The following HEPACAM2 variants were observed in gnomAD, a reference collection of about 807,000 sequenced individuals.
HEPACAM2 encodes the protein HEPACAM family member 2.
In HEPACAM2, 49 loss-of-function variants were observed where a neutral mutation model predicts 49.6. That is an observed-to-expected ratio of 0.99 (90% CI 0.78 to 1.25). HEPACAM2 has a LOEUF of 1.25. Among genes scored for constraint, HEPACAM2 ranks in the 50% most tolerant of loss-of-function variants. The pLI is 0.00. For missense variants in HEPACAM2, 525 were observed against 557.2 expected, an observed-to-expected ratio of 0.94 and a Z score of 0.58; for synonymous variants, 197 against 202.9, an observed-to-expected ratio of 0.97 and a Z score of 0.25.
intron 2 of HEPACAM2, among the ~76,000 whole-genome samples, chr7:93,216,573 A>G (rs1234493742): frequency 1.3e-5 from 2 of 152,220 alleles, no homozygotes; most frequent in Non-Finnish European, 2.9e-5. Context: ...TTATATAAGA[A>G]TCCGCAACCA....
upstream of HEPACAM2, among the ~76,000 whole-genome samples, chr7:93,226,692 A>T (rs78768799): frequency 0.026 from 3,969 of 152,254 alleles, 184 homozygotes; most frequent in African/African-American, 0.091. Flanking sequence ...ATATTTCATA[A>T]ATTATACTTA....
chr7:93,219,734 C>G (rs551024032), intron 1 of HEPACAM2, among the ~76,000 whole-genome samples: 1 of 152,240 alleles, frequency 6.6e-6, no homozygotes, highest in Non-Finnish European at 1.5e-5. Flanking sequence ...AAAAGGAGAA[C>G]TAAGAAAGTT....
chr7:93,232,054 A>G, the HEPACAM2 span, among the ~76,000 whole-genome samples: 11 of 152,036 alleles, frequency 7.2e-5, no homozygotes, highest in Admixed American at 4.6e-4. Flanking sequence ...CATCGCGTCA[A>G]TCTGGCTTAT....
chr7:93,220,434 G>A (rs565299964), intron 1 of HEPACAM2, among the ~76,000 whole-genome samples: 1 of 152,282 alleles, frequency 6.6e-6, no homozygotes, highest in East Asian at 1.9e-4. Flanking sequence ...CAGAAACAAA[G>A]AGGATGCCAA....
intron 2 of HEPACAM2, among the ~76,000 whole-genome samples, chr7:93,216,857 A>G (rs574581747): frequency 2.0e-5 from 3 of 152,208 alleles, no homozygotes; most frequent in Non-Finnish European, 4.4e-5. Flanking sequence ...GGGTCAATGC[A>G]TCTTCCTCAG....
intron 9 of HEPACAM2, among the ~76,000 whole-genome samples, chr7:93,191,014 G>A (rs1369180078): frequency 6.6e-6 from 1 of 151,964 alleles, no homozygotes; most frequent in Non-Finnish European, 1.5e-5. Context: ...ATTTTAATTA[G>A]ATTAAATCTT....
rs538075423 is a variant in HEPACAM2, at chr7:93,225,763, A to T, written c.79+605T>A. ...AGGGAAAATATTAAGGTAGAAAAAA[A>T]TTCTTAATAGGACTAGCCATTGGGC... is the stretch of plus-strand genomic sequence containing the variant. On this transcript the variant is annotated intron_variant, in intron 1 of 9. Coordinates refer to ENST00000394468, the MANE Select transcript of HEPACAM2 (RefSeq NM_001039372.4). The T allele has an allele frequency of 1.7e-3, 724 of 416,980 alleles. 15 individuals are homozygous for T. In the Middle Eastern group the frequency reaches 0.053, roughly 31 times the overall value. 25.8% of individuals were successfully genotyped at this position (416,980 alleles called of 1,614,324 possible). A position where few individuals can be genotyped will look rare whatever the true frequency, so the allele number is the denominator to read the frequency against.
chr7:93,231,796 T>A, the HEPACAM2 span, among the ~76,000 whole-genome samples: 1 of 152,124 alleles, frequency 6.6e-6, no homozygotes, highest in Non-Finnish European at 1.5e-5. Context: ...TCCTTCGATT[T>A]TAGAGCTTTT....
intron 4 of HEPACAM2, among the ~76,000 whole-genome samples, chr7:93,197,840 TA>T (rs1461885840): frequency 6.6e-6 from 1 of 152,102 alleles, no homozygotes; most frequent in African/African-American, 2.4e-5. Flanking sequence ...CTGCCCAAGT[TA>T]AAACTGACTG....
upstream of HEPACAM2, among the ~76,000 whole-genome samples, chr7:93,230,974 A>T (rs1195880836): frequency 6.6e-6 from 1 of 152,202 alleles, no homozygotes; most frequent in East Asian, 1.9e-4. Context: ...TCATTCACCT[A>T]CATCATCTCA....
Position 93,208,814 on chromosome 7 carries a change from C to T in HEPACAM2, c.778G>A (p.Val260Ile). The T allele has an allele frequency of 6.2e-7, 1 of 1,612,730 alleles. No individual in the cohort carries two copies. Among genetic ancestry groups the T allele is most frequent in the Middle Eastern group, 1.7e-4 (1 of 6,046 alleles). ...AATAGGATGGCCTCTCCAAGGTCAACAGTAAACACTTCCCCTACTTTTAGC... is the reference window on the plus strand; with the variant it reads ...AATAGGATGGCCTCTCCAAGGTCAATAGTAAACACTTCCCCTACTTTTAGC... ...KGLKVGEVFT[V>I]DLGEAILFDC... The change falls in exon 4 of 10, where the codon GTT becomes ATT. Residue 260 changes from valine to isoleucine, a missense_variant. Physicochemically the swap from Val to Ile is conservative, Grantham distance 29 (BLOSUM62 3). Transcript: ENST00000394468.
chr7:93,194,787 A>G (rs954020945), intron 8 of HEPACAM2, among the ~76,000 whole-genome samples: 2 of 152,144 alleles, frequency 1.3e-5, no homozygotes, highest in Admixed American at 6.6e-5. Context: ...CCTTCCTCAA[A>G]TGGACTCTCA....
upstream of HEPACAM2, among the ~76,000 whole-genome samples, chr7:93,230,060 T>C (rs998076354): frequency 1.3e-5 from 2 of 152,200 alleles, no homozygotes; most frequent in Admixed American, 6.5e-5. Flanking sequence ...TTGTAGGAAA[T>C]AAACTAAAAT....
intron 3 of HEPACAM2, among the ~76,000 whole-genome samples, chr7:93,214,332 T>C (rs1345002625): frequency 6.6e-6 from 1 of 152,172 alleles, no homozygotes; most frequent in Non-Finnish European, 1.5e-5. Flanking sequence ...TAATGCAATG[T>C]TCACAATTAC....
upstream of HEPACAM2, among the ~76,000 whole-genome samples, chr7:93,230,929 C>G (rs1794615331): frequency 6.6e-6 from 1 of 152,160 alleles, no homozygotes; most frequent in Admixed American, 6.5e-5. Flanking sequence ...CCAATAATAC[C>G]TCATAATTGT....
chr7:93,192,233 C>G, intron 9 of HEPACAM2, 21 bp downstream of exon 9: 1 of 1,560,652 alleles, frequency 6.4e-7, no homozygotes, highest in Non-Finnish European at 8.8e-7. Context: ...ATAGCACCAT[C>G]AAATGCAGAT....
intron 3 of HEPACAM2, among the ~76,000 whole-genome samples, chr7:93,211,602 G>A (rs1317810002): frequency 6.6e-6 from 1 of 151,980 alleles, no homozygotes; most frequent in Non-Finnish European, 1.5e-5. Context: ...CATCTGAGAC[G>A]TTGACCACAT....
At chr7:93,216,211 ATTCT>A (rs1276661471) in intron 2 of HEPACAM2, among the ~76,000 whole-genome samples, 2 of 152,196 alleles carry the variant, frequency 1.3e-5, no homozygotes, top group East Asian at 1.9e-4. Context: ...ATGTAAAACT[ATTCT>A]TTCTATGTAT....
At chr7:93,205,104 A>T (rs554177382) in intron 4 of HEPACAM2, among the ~76,000 whole-genome samples, 1 of 152,060 alleles carries the variant, frequency 6.6e-6, no homozygotes, top group African/African-American at 2.4e-5. Flanking sequence ...TCATCTCAAA[A>T]AAAAAAAAAA....
Sources: gnomAD v4.1 joint callset for allele counts (sites outside exome capture counted in the v4.1 genomes callset) on GRCh38, gnomAD v4.1.1 for gene constraint, MANE v1.5 for transcripts, NCBI Gene and HGNC (gene_info 2026-07-23, HGNC 2026-07-21) for gene names.